Variants in KCNMA1 observed in about 807,000 individuals in gnomAD.
KCNMA1 encodes the protein Calcium-activated potassium channel subunit alpha-1.
In KCNMA1, 29 loss-of-function variants were observed where a neutral mutation model predicts 140.0. The observed-to-expected ratio is 0.21, with a 90% CI of 0.15 to 0.28. KCNMA1 has a LOEUF of 0.28. Ranked by LOEUF, KCNMA1 falls within the 10% of genes least tolerant of loss-of-function variation. The pLI, the probability that KCNMA1 is intolerant of heterozygous loss-of-function variation, is 1.00. For synonymous variants in KCNMA1, 612 were observed against 611.9 expected (o/e 1.00, Z 0.00); for missense variants, 880 against 1,602.2 (o/e 0.55, Z 7.70).
intron 1 of KCNMA1, among the ~76,000 whole-genome samples, chr10:77,405,994 A>G (rs1197570047): frequency 1.3e-5 from 2 of 152,166 alleles, no homozygotes; most frequent in Non-Finnish European, 2.9e-5. Flanking sequence ...TGGGACCTGC[A>G]GCCCTGGACG....
chr10:77,284,806 G>A (rs187653539), intron 2 of KCNMA1, among the ~76,000 whole-genome samples: 197 of 152,004 alleles, frequency 1.3e-3, no homozygotes, highest in African/African-American at 4.2e-3. Flanking sequence ...GAACCACCGC[G>A]CCCAACGAGA....
chr10:77,301,120 A>G (rs1430697333), intron 2 of KCNMA1, among the ~76,000 whole-genome samples: 1 of 152,170 alleles, frequency 6.6e-6, no homozygotes, highest in Non-Finnish European at 1.5e-5. Context: ...AGGAGAATCA[A>G]AACTTCACTG....
At chr10:76,935,238 C>A (rs1218457217) in intron 23 of KCNMA1, among the ~76,000 whole-genome samples, 1 of 152,192 alleles carries the variant, frequency 6.6e-6, no homozygotes, top group Non-Finnish European at 1.5e-5. Context: ...AAACTTCAGC[C>A]CCTTAGGTGC....
intron 1 of KCNMA1, among the ~76,000 whole-genome samples, chr10:77,540,138 C>G (rs931149798): frequency 1.3e-5 from 2 of 152,172 alleles, no homozygotes; most frequent in African/African-American, 2.4e-5. Flanking sequence ...TGCTGCCTGT[C>G]CTGCTATGTC....
intron 1 of KCNMA1, among the ~76,000 whole-genome samples, chr10:77,443,242 G>A (rs2097448747): frequency 6.6e-6 from 1 of 152,146 alleles, no homozygotes; most frequent in South Asian, 2.1e-4. Flanking sequence ...AGTGGTCCCG[G>A]CAGGCTTCCA....
At chr10:77,357,247 C>T (rs2093573500) in intron 2 of KCNMA1, among the ~76,000 whole-genome samples, 1 of 152,190 alleles carries the variant, frequency 6.6e-6, no homozygotes, top group Admixed American at 6.5e-5. Flanking sequence ...GCAGCTTGAA[C>T]CATAGTTGTC....
At chr10:77,473,522 C>G (rs2098213387) in intron 1 of KCNMA1, among the ~76,000 whole-genome samples, 1 of 152,180 alleles carries the variant, frequency 6.6e-6, no homozygotes, top group Non-Finnish European at 1.5e-5. Context: ...AGAGAGAAAT[C>G]TCTCTCTTGC....
intron 1 of KCNMA1, among the ~76,000 whole-genome samples, chr10:77,548,723 G>A (rs949598892): frequency 6.6e-6 from 1 of 152,166 alleles, no homozygotes; most frequent in African/African-American, 2.4e-5. Context: ...CCTTAGAAGA[G>A]TCATATCATG....
At chr10:77,345,936 C>CA in intron 2 of KCNMA1, among the ~76,000 whole-genome samples, 2 of 152,326 alleles carry the variant, frequency 1.3e-5, no homozygotes, top group Non-Finnish European at 2.9e-5. Flanking sequence ...TGCCAGATAA[C>CA]ACCTAGCTCT....
At chr10:76,914,705 C>T in intron 24 of KCNMA1, 2 of 460,176 alleles carry the variant, frequency 4.3e-6, no homozygotes. Flanking sequence ...CCTTTGAAAA[C>T]AGTGACCAGC....
intron 1 of KCNMA1, chr10:77,433,511 CA>C (rs2097193639): frequency 6.6e-6 from 1 of 152,208 alleles, no homozygotes; most frequent in Non-Finnish European, 1.5e-5. Flanking sequence ...GAACACAGGT[CA>C]GTGACAAATC....
Position 77,637,671 on chromosome 10 carries a change from C to G in KCNMA1, c.-29G>C, listed in dbSNP as rs1432222049. The G allele has an allele frequency of 1.4e-6, 2 of 1,457,126 alleles. No homozygotes were observed. Among genetic ancestry groups the G allele is most frequent in the Non-Finnish European group, 1.8e-6 (2 of 1,116,550 alleles). The allele number at this position is 1,457,126 out of a possible 1,614,324, so 90.3% of individuals were successfully genotyped here. A position where few individuals can be genotyped will look rare whatever the true frequency, so the allele number is the denominator to read the frequency against. Reference sequence around the variant, plus strand: ...TAGCAACGGGCAGCCGGCGCAGGGGCTCGGGGGAGCTCCTCCCGCCGCCAG... The same window carrying G: ...TAGCAACGGGCAGCCGGCGCAGGGGGTCGGGGGAGCTCCTCCCGCCGCCAG... On this transcript the variant is annotated 5_prime_UTR_variant, in exon 1 of 28. Transcript: ENST00000286628.
chr10:77,359,715 C>T (rs186733854), intron 2 of KCNMA1, among the ~76,000 whole-genome samples: 148 of 152,236 alleles, frequency 9.7e-4, no homozygotes, highest in Non-Finnish European at 7.9e-4. Context: ...AGTTAACCCA[C>T]AGGGTGAGTG....
intron 15 of KCNMA1, 88 bp from the exon 16 acceptor site, chr10:77,027,979 A>G: frequency 1.7e-6 from 2 of 1,186,296 alleles, no homozygotes; most frequent in Non-Finnish European, 2.5e-6. Context: ...TCGGTCTCCT[A>G]ATGCAGTCAT....
At chr10:76,914,300 C>T (rs1291202279) in intron 24 of KCNMA1, 2 of 619,398 alleles carry the variant, frequency 3.2e-6, no homozygotes. Flanking sequence ...TACAGTTTTG[C>T]ACACTCACTA....
intron 1 of KCNMA1, among the ~76,000 whole-genome samples, chr10:77,496,039 C>G (rs1278893518): frequency 1.3e-5 from 2 of 152,166 alleles, no homozygotes. Flanking sequence ...CCTTGGAGGC[C>G]TGGAAGCCCC....
chr10:77,140,079 A>G (rs1449183102), intron 5 of KCNMA1, among the ~76,000 whole-genome samples: 1 of 152,210 alleles, frequency 6.6e-6, no homozygotes, highest in Non-Finnish European at 1.5e-5. Context: ...GGCCAGTTAA[A>G]TTCATCTAAA....
At chr10:77,239,065 A>C (rs1203411558) in intron 3 of KCNMA1, among the ~76,000 whole-genome samples, 1 of 152,218 alleles carries the variant, frequency 6.6e-6, no homozygotes, top group Admixed American at 6.5e-5. Context: ...CTCGTACCTG[A>C]TAACAGATTG....
chr10:77,491,714 T>TAC (rs3071912), intron 1 of KCNMA1, among the ~76,000 whole-genome samples: 8,650 of 145,454 alleles, frequency 0.059, 291 homozygotes, highest in African/African-American at 0.11. Context: ...TTAGAAGTCA[T>TAC]ACACACACAC....
Sources: gnomAD v4.1 joint callset for allele counts (sites outside exome capture counted in the v4.1 genomes callset) on GRCh38, gnomAD v4.1.1 for gene constraint, MANE v1.5 for transcripts, NCBI Gene and HGNC (gene_info 2026-07-23, HGNC 2026-07-21) for gene names.